Variants in SYT1 observed in about 807,000 individuals in gnomAD.
SYT1 encodes synaptotagmin-1.
In SYT1, 8 loss-of-function variants were observed where a neutral mutation model predicts 44.8. The observed-to-expected ratio is 0.18, with a 90% CI of 0.10 to 0.32. SYT1 has a LOEUF of 0.32. Among genes scored for constraint, SYT1 ranks in the 10% least tolerant of loss-of-function variants. SYT1 has a pLI of 1.00. For synonymous variants in SYT1, 154 were observed against 188.8 expected, an observed-to-expected ratio of 0.82 and a Z score of 1.51; for missense variants, 286 against 509.3, an observed-to-expected ratio of 0.56 and a Z score of 4.22.
intron 1 of SYT1, among the ~76,000 whole-genome samples, chr12:78,911,955 T>A (rs1255683908): frequency 1.3e-5 from 2 of 151,978 alleles, no homozygotes; most frequent in Admixed American, 1.3e-4. Flanking sequence ...ATTAATAGAA[T>A]CATAAAGTCT....
chr12:78,941,513 TCTA>T (rs1353956677), intron 1 of SYT1, among the ~76,000 whole-genome samples: 1 of 152,160 alleles, frequency 6.6e-6, no homozygotes, highest in Non-Finnish European at 1.5e-5. Flanking sequence ...ATATTTTACA[TCTA>T]CTGCATGCTT....
intron 3 of SYT1, among the ~76,000 whole-genome samples, chr12:79,100,733 A>G (rs1198420501): frequency 2.0e-5 from 3 of 152,164 alleles, no homozygotes; most frequent in Admixed American, 6.5e-5. Flanking sequence ...GGCTGATTAC[A>G]TATGTCTTAG....
At chr12:79,218,605 C>T (rs1443078577) in intron 4 of SYT1, among the ~76,000 whole-genome samples, 1 of 152,188 alleles carries the variant, frequency 6.6e-6, no homozygotes, top group Non-Finnish European at 1.5e-5. Context: ...TTAGATTTCA[C>T]ATATGAGTGA....
intron 3 of SYT1, among the ~76,000 whole-genome samples, chr12:79,201,936 AG>A (rs1873813271): frequency 6.6e-6 from 1 of 152,130 alleles, no homozygotes; most frequent in Non-Finnish European, 1.5e-5. Context: ...TTGATCAGTA[AG>A]TATGAAAAAA....
intron 3 of SYT1, among the ~76,000 whole-genome samples, chr12:79,205,382 C>A (rs1469569545): frequency 6.6e-6 from 1 of 152,048 alleles, no homozygotes; most frequent in Non-Finnish European, 1.5e-5. Context: ...TCTTGGGAGG[C>A]TTTTTAGAGC....
At chr12:79,429,916 T>G (rs375122756) in intron 9 of SYT1, among the ~76,000 whole-genome samples, 1 of 152,224 alleles carries the variant, frequency 6.6e-6, no homozygotes, top group South Asian at 2.1e-4. Flanking sequence ...TTAAACCATC[T>G]TAAGATATAT....
intron 4 of SYT1, among the ~76,000 whole-genome samples, chr12:79,250,048 A>T (rs1877105290): frequency 6.6e-6 from 1 of 152,218 alleles, no homozygotes; most frequent in South Asian, 2.1e-4. Context: ...ATTAATCTTC[A>T]TGCAATTCTA....
rs535053382 is a variant in SYT1, at chr12:79,059,393, T to C, written c.-18+12031T>C. On this transcript the variant is annotated intron_variant, in intron 3 of 10. Coordinates refer to ENST00000261205, the MANE Select transcript of SYT1 (RefSeq NM_005639.3). ...AAATACATGATTATATAATATTGTT[T>C]ACCTATATTTTAATTTTAATTCTTT... Among the ~76,000 whole-genome samples, 3 of 152,230 alleles carry C rather than the reference T, an allele frequency of 2.0e-5. No individual in the cohort carries two copies. In the East Asian group the frequency reaches 5.8e-4, roughly 29 times the overall value.
intron 8 of SYT1, among the ~76,000 whole-genome samples, chr12:79,321,692 G>C (rs1881366184): frequency 6.6e-6 from 1 of 152,148 alleles, no homozygotes; most frequent in Non-Finnish European, 1.5e-5. Context: ...TCTGAGACTA[G>C]TATTTACCAA....
intron 9 of SYT1, among the ~76,000 whole-genome samples, chr12:79,394,363 A>C (rs1202162139): frequency 6.6e-6 from 1 of 152,216 alleles, no homozygotes; most frequent in African/African-American, 2.4e-5. Context: ...AAACAGTAAA[A>C]ATGCAGCTAC....
At chr12:79,382,596 A>C (rs1307735120) in intron 9 of SYT1, among the ~76,000 whole-genome samples, 5 of 152,158 alleles carry the variant, frequency 3.3e-5, no homozygotes, top group Non-Finnish European at 7.3e-5. Flanking sequence ...AAGAAAAGAA[A>C]AACTAAATGA....
chr12:78,931,244 AAGGAAGGAAGGAAG>A (rs1592574426), intron 1 of SYT1, among the ~76,000 whole-genome samples: 100 of 32,346 alleles, frequency 3.1e-3, no homozygotes, highest in Non-Finnish European at 4.7e-3. Flanking sequence ...AGAAAGAAGG[AAGGAAGGAAGGAAG>A]GAAGGAAGGA....
intron 1 of SYT1, among the ~76,000 whole-genome samples, chr12:78,881,375 C>T (rs1874444707): frequency 6.6e-6 from 1 of 151,664 alleles, no homozygotes; most frequent in Non-Finnish European, 1.5e-5. Flanking sequence ...TCCAGCATTA[C>T]ATTTGTCATG....
At chr12:79,291,338 A>C (rs973303659) in intron 5 of SYT1, among the ~76,000 whole-genome samples, 42 of 152,220 alleles carry the variant, frequency 2.8e-4, no homozygotes, top group African/African-American at 9.4e-4. Flanking sequence ...ACAGACTCTT[A>C]ATCAATTTAA....
chr12:79,207,401 G>A (rs1011286099), intron 3 of SYT1, among the ~76,000 whole-genome samples: 4 of 152,146 alleles, frequency 2.6e-5, no homozygotes, highest in Admixed American at 2.0e-4. Flanking sequence ...CAGGATACAT[G>A]TACAGGACAT....
intron 9 of SYT1, among the ~76,000 whole-genome samples, chr12:79,437,539 C>T (rs1029490457): frequency 3.9e-5 from 6 of 152,144 alleles, no homozygotes; most frequent in Non-Finnish European, 7.4e-5. Flanking sequence ...TGGTCATGGC[C>T]TTATCGTATA....
chr12:79,067,715 G>A (rs1264243761), intron 3 of SYT1, among the ~76,000 whole-genome samples: 1 of 152,122 alleles, frequency 6.6e-6, no homozygotes, highest in African/African-American at 2.4e-5. Context: ...TTGCTGTGTG[G>A]TGTAGAAAGG....
At chr12:79,311,073 G>A (rs1297085609) in intron 8 of SYT1, among the ~76,000 whole-genome samples, 3 of 152,242 alleles carry the variant, frequency 2.0e-5, no homozygotes, top group African/African-American at 4.8e-5. Flanking sequence ...TGGTGAGAGA[G>A]GGCATCCCTG....
intron 8 of SYT1, among the ~76,000 whole-genome samples, chr12:79,328,845 C>CA (rs986493458): frequency 0.056 from 5,171 of 92,038 alleles, 165 homozygotes; most frequent in Admixed American, 0.18. Context: ...GACTCCATCT[C>CA]AAAAAAAAAA....
Sources: allele counts gnomAD v4.1 joint callset (sites outside exome capture counted in the v4.1 genomes callset), GRCh38; gene constraint gnomAD v4.1.1; transcripts MANE v1.5; gene names NCBI Gene and HGNC (gene_info 2026-07-23, HGNC 2026-07-21).